The following HDAC9 variants were observed in gnomAD, a reference collection of about 807,000 sequenced individuals.
The protein encoded by HDAC9 is MEF-2 interacting transcription repressor (MITR) protein.
A neutral mutation model predicts 139.4 loss-of-function variants in HDAC9; 41 were observed. The ratio of observed to expected loss-of-function variants is 0.29; its 90% CI spans 0.23 to 0.38. HDAC9 has a LOEUF of 0.38. HDAC9 is among the 10% of genes least tolerant of loss of function. The pLI is 1.00. For synonymous variants in HDAC9, 517 were observed against 476.2 expected, an observed-to-expected ratio of 1.09 and a Z score of -1.12; for missense variants, 1,147 against 1,297.0, an observed-to-expected ratio of 0.88 and a Z score of 1.78.
At chr7:18,442,047 G>T (rs905141945) in intron 1 of HDAC9, among the ~76,000 whole-genome samples, 4 of 152,172 alleles carry the variant, frequency 2.6e-5, no homozygotes, top group African/African-American at 9.7e-5. Context: ...TAGGATTACA[G>T]ACGTGAGCCC....
chr7:18,275,634 C>G (rs1796667872), intron 2 of HDAC9, among the ~76,000 whole-genome samples: 1 of 152,150 alleles, frequency 6.6e-6, no homozygotes, highest in Non-Finnish European at 1.5e-5. Flanking sequence ...CTGGACCTGC[C>G]TCAAGTGCTC....
chr7:18,812,258 T>G (rs934121525), intron 17 of HDAC9, among the ~76,000 whole-genome samples: 2 of 152,040 alleles, frequency 1.3e-5, no homozygotes, highest in African/African-American at 4.8e-5. Flanking sequence ...TGCTCACATA[T>G]TTAACCTTTC....
intron 17 of HDAC9, among the ~76,000 whole-genome samples, chr7:18,815,961 C>CT: frequency 6.6e-6 from 1 of 152,100 alleles, no homozygotes; most frequent in East Asian, 1.9e-4. Context: ...AGCAAACTGT[C>CT]TTTTTATAAG....
At chr7:18,309,369 A>T (rs373396111) in intron 1 of HDAC9, among the ~76,000 whole-genome samples, 1 of 152,194 alleles carries the variant, frequency 6.6e-6, no homozygotes, top group South Asian at 2.1e-4. Context: ...AAATGTTTTG[A>T]CAAAGTAATA....
chr7:18,417,152 A>AATTTCCATTGCT (rs1341240719), intron 1 of HDAC9, among the ~76,000 whole-genome samples: 4 of 152,120 alleles, frequency 2.6e-5, no homozygotes, highest in Non-Finnish European at 4.4e-5. Context: ...TCTTTTGGGT[A>AATTTCCATTGCT]ATTTCCATTG....
chr7:18,384,346 T>C (rs939497353), intron 1 of HDAC9, among the ~76,000 whole-genome samples: 1 of 152,066 alleles, frequency 6.6e-6, no homozygotes, highest in African/African-American at 2.4e-5. Context: ...CATATACATA[T>C]GTACTAGAAG....
intron 1 of HDAC9, among the ~76,000 whole-genome samples, chr7:18,102,855 G>A (rs1379121920): frequency 6.6e-6 from 1 of 152,188 alleles, no homozygotes; most frequent in African/African-American, 2.4e-5. Flanking sequence ...CTCATTTGCT[G>A]GAATGTGGGA....
At chr7:18,317,516 A>C (rs1230421995) in intron 1 of HDAC9, among the ~76,000 whole-genome samples, 1 of 152,220 alleles carries the variant, frequency 6.6e-6, no homozygotes, top group Admixed American at 6.5e-5. Flanking sequence ...ACTGTATAGG[A>C]ATATCCCGTC....
At position 18,998,112 on chromosome 7, in the gene HDAC9, G is replaced by T. The variant is rs1786566690; in HGVS notation, c.*2050G>T. ...TAGTAGAGCCAAAGGCTTAACAAAAGACTCTCCCCCATTTTAAAAAGGAAA... is the reference window on the plus strand; with the variant it reads ...TAGTAGAGCCAAAGGCTTAACAAAATACTCTCCCCCATTTTAAAAAGGAAA... On this transcript the variant is annotated 3_prime_UTR_variant, in exon 26 of 26. Coordinates refer to ENST00000686413, the MANE Select transcript of HDAC9 (RefSeq NM_178425.4). The T allele has an allele frequency of 6.6e-6, 1 of 152,040 alleles. No individual in the cohort carries two copies. Among genetic ancestry groups the T allele is most frequent in the Non-Finnish European group, 1.5e-5 (1 of 67,970 alleles). The allele number at this position is 152,040 out of a possible 1,614,324, so 9.4% of individuals were successfully genotyped here.
chr7:18,777,310 T>A (rs986118763), intron 16 of HDAC9, among the ~76,000 whole-genome samples: 4 of 147,496 alleles, frequency 2.7e-5, no homozygotes, highest in Non-Finnish European at 4.5e-5. Flanking sequence ...CTAATAAAAA[T>A]GTCCTGACAT....
Position 18,784,943 on chromosome 7 carries a change from T to TTGTGTGTG in HDAC9, c.2215-8378_2215-8371dup, listed in dbSNP as rs147840943. Among the ~76,000 whole-genome samples, 425 of 28,160 alleles carry TTGTGTGTG rather than the reference T, an allele frequency of 0.015. 4 individuals are homozygous for TTGTGTGTG. In the South Asian group the frequency reaches 0.21, roughly 14 times the overall value. The allele number at this position is 28,160 out of a possible 152,430, so 18.5% of individuals were successfully genotyped here. On this transcript the variant is annotated intron_variant, in intron 16 of 25. Coordinates refer to ENST00000686413, the MANE Select transcript of HDAC9 (RefSeq NM_178425.4). ...TTGGCTTTTAATAGGTAGCAATTGCTTGTGTGTGTGTGTGTGTGTGTGTGT... is the reference window on the plus strand; with the variant it reads ...TTGGCTTTTAATAGGTAGCAATTGCTTGTGTGTGTGTGTGTGTGTGTGTGTGTGTGTGT...
chr7:18,577,702 T>A (rs190672528), intron 2 of HDAC9, among the ~76,000 whole-genome samples: 1,661 of 152,158 alleles, frequency 0.011, 31 homozygotes, highest in African/African-American at 0.038. Flanking sequence ...TTGAATTAAG[T>A]TGATAAAGAA....
intron 22 of HDAC9, among the ~76,000 whole-genome samples, chr7:18,923,299 C>T (rs532113873): frequency 3.2e-4 from 48 of 152,180 alleles, no homozygotes; most frequent in Middle Eastern, 3.4e-3. Flanking sequence ...TCAACAGCTG[C>T]GTATCCCTAG....
At chr7:18,441,390 C>T (rs1181547281) in intron 1 of HDAC9, among the ~76,000 whole-genome samples, 1 of 152,040 alleles carries the variant, frequency 6.6e-6, no homozygotes, top group Non-Finnish European at 1.5e-5. Context: ...TATCTTAGCA[C>T]TTGCATGACA....
At chr7:18,506,332 T>C (rs1378388288) in intron 2 of HDAC9, among the ~76,000 whole-genome samples, 1 of 152,182 alleles carries the variant, frequency 6.6e-6, no homozygotes. Flanking sequence ...TGGTTGATGA[T>C]GACAACAAGA....
intron 21 of HDAC9, among the ~76,000 whole-genome samples, chr7:18,838,573 A>T (rs1796385112): frequency 6.6e-6 from 1 of 152,082 alleles, no homozygotes; most frequent in Non-Finnish European, 1.5e-5. Flanking sequence ...TAGCCCATCT[A>T]TATATGTATA....
intron 2 of HDAC9, among the ~76,000 whole-genome samples, chr7:18,209,270 A>C (rs893289723): frequency 1.3e-5 from 2 of 152,220 alleles, no homozygotes; most frequent in African/African-American, 4.8e-5. Context: ...TACTTTCCAT[A>C]ATAAACCCAT....
chr7:18,264,887 T>C (rs1419294152), intron 2 of HDAC9, among the ~76,000 whole-genome samples: 2 of 152,230 alleles, frequency 1.3e-5, no homozygotes, highest in African/African-American at 4.8e-5. Context: ...TTTAAAAACA[T>C]TGGCAGTATA....
intron 23 of HDAC9, among the ~76,000 whole-genome samples, chr7:18,941,281 T>G (rs945860694): frequency 2.3e-4 from 35 of 151,982 alleles, no homozygotes; most frequent in African/African-American, 8.5e-4. Context: ...AACTGCTATC[T>G]CCTGTTGAGT....
Sources: gnomAD v4.1 joint callset for allele counts (sites outside exome capture counted in the v4.1 genomes callset) on GRCh38, gnomAD v4.1.1 for gene constraint, MANE v1.5 for transcripts, NCBI Gene and HGNC (gene_info 2026-07-23, HGNC 2026-07-21) for gene names.